Variants in NELL2 observed in about 807,000 individuals in gnomAD.
NELL2 encodes neural EGFL like 2, also known as protein kinase C-binding protein NELL2.
Under a neutral mutation model 109.6 loss-of-function variants are expected in NELL2, and 41 were observed. The ratio of observed to expected loss-of-function variants is 0.37; its 90% CI spans 0.29 to 0.49. NELL2 has a LOEUF of 0.49. Among genes scored for constraint, NELL2 ranks in the 20% least tolerant of loss-of-function variants. The pLI is 0.98. For missense variants in NELL2, 900 were observed against 1,008.3 expected (o/e 0.89, Z 1.45); for synonymous variants, 355 against 344.7 (o/e 1.03, Z -0.33).
At chr12:44,813,883 G>A (rs917776020) in intron 3 of NELL2, among the ~76,000 whole-genome samples, 1 of 152,104 alleles carries the variant, frequency 6.6e-6, no homozygotes, top group South Asian at 2.1e-4. Context: ...GAGTAAGAAA[G>A]GATTTGCCTG....
rs77952769 is a variant in NELL2 at position 44,666,846 on chromosome 12, C to A, written c.1319-1237G>T. Among the ~76,000 whole-genome samples, 184 of 152,276 alleles carry A rather than the reference C, an allele frequency of 1.2e-3. 3 individuals are homozygous for A. The East Asian group carries it at 0.026, about 22-fold the overall frequency. ...ATCTGATGACCTCACTCCCTTCTCC[C>A]CTCTCAGTGTTCTGGCCACATAGTT... is the stretch of plus-strand genomic sequence containing the variant. On this transcript the variant is annotated intron_variant, in intron 12 of 19. Coordinates refer to ENST00000429094, the MANE Select transcript of NELL2 (RefSeq NM_001145108.2).
intron 15 of NELL2, among the ~76,000 whole-genome samples, chr12:44,560,449 AAAGAG>A (rs1250341734): frequency 6.6e-6 from 1 of 152,128 alleles, no homozygotes; most frequent in Non-Finnish European, 1.5e-5. Context: ...ATAAAGAAGA[AAAGAG>A]AGAAGAGTCA....
intron 15 of NELL2, among the ~76,000 whole-genome samples, chr12:44,533,206 G>T (rs1942162376): frequency 6.6e-6 from 1 of 152,066 alleles, no homozygotes; most frequent in African/African-American, 2.4e-5. Flanking sequence ...AGGCTCTAAA[G>T]ACCTACCTGA....
chr12:44,791,059 G>T (rs1174874391), intron 3 of NELL2, among the ~76,000 whole-genome samples: 6 of 77,274 alleles, frequency 7.8e-5, no homozygotes, highest in South Asian at 9.7e-4. Context: ...CAAGAAGAAA[G>T]TTCAAGTATA....
At chr12:44,516,147 A>G (rs1206264813) in intron 19 of NELL2, among the ~76,000 whole-genome samples, 2 of 151,958 alleles carry the variant, frequency 1.3e-5, no homozygotes, top group Non-Finnish European at 2.9e-5. Context: ...ATGATCTTCT[A>G]ATATGTAATT....
At chr12:44,921,428 G>A (rs1945867249) in intron 1 of NELL2, among the ~76,000 whole-genome samples, 1 of 152,118 alleles carries the variant, frequency 6.6e-6, no homozygotes, top group African/African-American at 2.4e-5. Context: ...CTACGTAGGC[G>A]GTATAGCAAG....
intron 12 of NELL2, among the ~76,000 whole-genome samples, chr12:44,701,372 G>A (rs1387801840): frequency 6.6e-6 from 1 of 151,988 alleles, no homozygotes; most frequent in Non-Finnish European, 1.5e-5. Context: ...GTATAAAGTT[G>A]TAAAACATCT....
chr12:44,798,946 CTTTTTTTTTTTTTTTTTT>C (rs1157006162), intron 3 of NELL2, among the ~76,000 whole-genome samples: 1 of 77,434 alleles, frequency 1.3e-5, no homozygotes, highest in Non-Finnish European at 2.3e-5. Flanking sequence ...ATGATTTCCA[CTTTTTTTTTTTTTTTTTT>C]TTTTTTTTTT....
chr12:44,596,649 G>C (rs555238149), intron 15 of NELL2, among the ~76,000 whole-genome samples: 9 of 152,090 alleles, frequency 5.9e-5, no homozygotes, highest in Admixed American at 4.6e-4. Flanking sequence ...TGCCCAGGCT[G>C]GTCTTGAACT....
chr12:44,603,415 A>G (rs1358744999), intron 15 of NELL2, among the ~76,000 whole-genome samples: 1 of 152,170 alleles, frequency 6.6e-6, no homozygotes, highest in Non-Finnish European at 1.5e-5. Context: ...GTATAATAAG[A>G]TAGCTTTGTA....
At chr12:44,663,585 T>C (rs1206392436) in intron 13 of NELL2, among the ~76,000 whole-genome samples, 1 of 152,188 alleles carries the variant, frequency 6.6e-6, no homozygotes, top group Non-Finnish European at 1.5e-5. Context: ...GGAATAGTTC[T>C]CAATTATGTC....
chr12:44,597,828 G>A (rs1188209169), intron 15 of NELL2, among the ~76,000 whole-genome samples: 1 of 152,160 alleles, frequency 6.6e-6, no homozygotes, highest in African/African-American at 2.4e-5. Flanking sequence ...AAGGAAAGGG[G>A]CAAAGAACAC....
intron 12 of NELL2, among the ~76,000 whole-genome samples, chr12:44,673,981 A>G (rs1292673848): frequency 6.6e-6 from 1 of 152,186 alleles, no homozygotes; most frequent in Non-Finnish European, 1.5e-5. Context: ...TATAATGGAC[A>G]TGCACTATGT....
Position 44,904,569 on chromosome 12 carries a change from G to A in NELL2, c.38+9230C>T, listed in dbSNP as rs146542640. Among the ~76,000 whole-genome samples the A allele has an allele frequency of 1.5e-3, 223 of 152,156 alleles. 1 individual carries two copies. Among genetic ancestry groups the A allele is most frequent in the African/African-American group, 5.0e-3 (207 of 41,534 alleles). On this transcript the variant is annotated intron_variant, in intron 1 of 20. Transcript: ENST00000333837. ...AAGGAGATTAGAGTCCCTGAATGACGGTGAAAAAGAAAGGCCTTCCTCTTA... is the reference window on the plus strand; with the variant it reads ...AAGGAGATTAGAGTCCCTGAATGACAGTGAAAAAGAAAGGCCTTCCTCTTA...
intron 14 of NELL2, among the ~76,000 whole-genome samples, chr12:44,608,342 C>T (rs755196082): frequency 4.6e-5 from 7 of 151,960 alleles, no homozygotes; most frequent in Non-Finnish European, 5.9e-5. Context: ...GTCCATTTGG[C>T]TTCTTTGGTT....
At chr12:44,775,375 C>T (rs1941717711) in intron 8 of NELL2, among the ~76,000 whole-genome samples, 1 of 151,596 alleles carries the variant, frequency 6.6e-6, no homozygotes, top group Admixed American at 6.6e-5. Context: ...ACATAGATGT[C>T]TGACTTCTTT....
chr12:44,787,202 GGT>G (rs1942210540), intron 3 of NELL2, among the ~76,000 whole-genome samples: 1 of 151,460 alleles, frequency 6.6e-6, no homozygotes, highest in Non-Finnish European at 1.5e-5. Context: ...AAACTACTTA[GGT>G]GTAAATCTAA....
At chr12:44,834,367 A>T (rs1467979298) in intron 2 of NELL2, among the ~76,000 whole-genome samples, 2 of 151,720 alleles carry the variant, frequency 1.3e-5, no homozygotes, top group Non-Finnish European at 2.9e-5. Context: ...ATATAAATAC[A>T]ATTATAAAAA....
chr12:44,708,825 A>T (rs1240667481), intron 11 of NELL2, among the ~76,000 whole-genome samples: 1 of 152,138 alleles, frequency 6.6e-6, no homozygotes, highest in Non-Finnish European at 1.5e-5. Flanking sequence ...TTATATCAGA[A>T]TCTCAGATGG....
Sources: allele counts gnomAD v4.1 joint callset (sites outside exome capture counted in the v4.1 genomes callset), GRCh38; gene constraint gnomAD v4.1.1; transcripts MANE v1.5; gene names NCBI Gene and HGNC (gene_info 2026-07-23, HGNC 2026-07-21).